The following NTN4 variants were observed in gnomAD, a reference collection of about 807,000 sequenced individuals.
The protein encoded by NTN4 is netrin 4.
NTN4 carries 32 observed loss-of-function variants against 73.6 expected under a neutral mutation model. The observed-to-expected ratio is 0.44, with a 90% CI of 0.33 to 0.58. The LOEUF is 0.58. Ranked by LOEUF, NTN4 falls within the 20% of genes least tolerant of loss-of-function variation. NTN4 has a pLI of 0.04. For synonymous variants in NTN4, 258 were observed against 287.5 expected (o/e 0.90, Z 1.04); for missense variants, 654 against 798.3 (o/e 0.82, Z 2.18).
intron 7 of NTN4, chr12:95,673,768 CCTCAGAGGAGTAGG>C (rs2078252313): frequency 1.3e-5 from 2 of 152,194 alleles, no homozygotes; most frequent in South Asian, 4.1e-4. Context: ...AGCTCCTTGA[CCTCAGAGGAGTAGG>C]AGTGCTTCCT....
chr12:95,658,940 G>A lies in NTN4; in HGVS notation c.*146C>T, dbSNP rs576836660. The A allele has an allele frequency of 9.0e-6, 6 of 668,002 alleles. No homozygotes were observed. The highest frequency in any genetic ancestry group is 1.5e-5 in the Non-Finnish European group (6 of 398,966). The allele number at this position is 668,002 out of a possible 1,614,324, so 41.4% of individuals were successfully genotyped here. ...TGTATTTAAACATGGGTCCAGAAGAGATAAGTTAGATAAGACCCATGCATT... is the reference window on the plus strand; with the variant it reads ...TGTATTTAAACATGGGTCCAGAAGAAATAAGTTAGATAAGACCCATGCATT... On this transcript the variant is annotated 3_prime_UTR_variant, in exon 10 of 10. Transcript: ENST00000343702.
Position 95,670,138 on chromosome 12 carries a change from C to T in NTN4, c.1519G>A (p.Glu507Lys), listed in dbSNP as rs375475179. Reference protein sequence around the residue: ...FSALLHSGKCECKEQTLGNAK... With the variant: ...FSALLHSGKCKCKEQTLGNAK... ...TTTCCTAATGTCTGTTCCTTACATT[C>T]GCATTTACCTATGGAAAGTAAATTA... The change falls in exon 8 of 10, where the codon GAA becomes AAA. Residue 507 changes from glutamate (E) to lysine (K), a missense_variant. Glu to Lys is a moderately conservative substitution (Grantham distance 56). Transcript: ENST00000343702. 48 of 1,582,040 alleles carry T rather than the reference C, an allele frequency of 3.0e-5. No individual in the cohort carries two copies. Among genetic ancestry groups the T allele is most frequent in the Admixed American group, 1.2e-4 (7 of 57,128 alleles).
chr12:95,787,352 T>G lies in NTN4; in HGVS notation c.172A>C (p.Thr58Pro). The change falls in exon 2 of 10, where the codon ACC becomes CCC. Residue 58 changes from threonine (T) to proline (P), a missense_variant. Transcript: ENST00000343702. Reference sequence around the variant, plus strand: ...TCACTGTAGAAGCAGTACAGTTCGGTAGCATTCTGACCGCAGGTGGTGTCT... The same window carrying G: ...TCACTGTAGAAGCAGTACAGTTCGGGAGCATTCTGACCGCAGGTGGTGTCT... Reference protein sequence around the residue: ...WADTTCGQNATELYCFYSENT... With the variant: ...WADTTCGQNAPELYCFYSENT... The G allele has an allele frequency of 6.2e-7, 1 of 1,614,218 alleles. No homozygotes were observed. Among genetic ancestry groups the G allele is most frequent in the Non-Finnish European group, 8.5e-7 (1 of 1,180,040 alleles).
At chr12:95,708,284 A>G (rs1340605708) in intron 5 of NTN4, among the ~76,000 whole-genome samples, 2 of 144,714 alleles carry the variant, frequency 1.4e-5, no homozygotes, top group Non-Finnish European at 3.0e-5. Flanking sequence ...TTATTTATTT[A>G]TTTATTTATT....
At chr12:95,719,548 G>A (rs1052186230) in intron 3 of NTN4, among the ~76,000 whole-genome samples, 5 of 152,104 alleles carry the variant, frequency 3.3e-5, no homozygotes, top group African/African-American at 1.2e-4. Context: ...CTAAAATAAT[G>A]AACTTGTTAT....
At chr12:95,780,038 A>C (rs1288321105) in intron 2 of NTN4, among the ~76,000 whole-genome samples, 2 of 152,212 alleles carry the variant, frequency 1.3e-5, no homozygotes, top group Non-Finnish European at 2.9e-5. Context: ...TGACAAAAAC[A>C]AGAAATGGGG....
chr12:95,679,918 G>A (rs2078302929), intron 7 of NTN4, among the ~76,000 whole-genome samples: 1 of 151,968 alleles, frequency 6.6e-6, no homozygotes, highest in Non-Finnish European at 1.5e-5. Context: ...TCCTCCTCAG[G>A]GCTTTAAAGA....
At chr12:95,690,619 G>A (rs1006618630) in intron 5 of NTN4, among the ~76,000 whole-genome samples, 1 of 151,444 alleles carries the variant, frequency 6.6e-6, no homozygotes, top group East Asian at 1.9e-4. Context: ...AATTCATTTG[G>A]ATTATATAAT....
At position 95,682,757 on chromosome 12, in the gene NTN4, G is replaced by T. The variant is rs1002465309; in HGVS notation, c.1460C>A (p.Pro487Gln). The T allele has an allele frequency of 1.2e-6, 2 of 1,613,846 alleles. No homozygotes were observed. Among genetic ancestry groups the T allele is most frequent in the African/African-American group, 2.7e-5 (2 of 74,918 alleles). The change falls in exon 7 of 10, where the codon CCA (proline) becomes CAA (glutamine). Residue 487 changes from proline to glutamine, a missense_variant. Pro to Gln is a moderately conservative substitution (Grantham distance 76, BLOSUM62 -1). Transcript: ENST00000343702. Reference protein sequence around the residue: ...DFRPVHNKSEPAWEWEDAQGF... With the variant: ...DFRPVHNKSEQAWEWEDAQGF... ...CTGCGCATCCTCCCACTCCCAGGCT[G>T]GTTCGCTCTTATTGTGCACGGGACG...
At chr12:95,742,969 G>T (rs1161777534) in intron 2 of NTN4, among the ~76,000 whole-genome samples, 2 of 152,230 alleles carry the variant, frequency 1.3e-5, no homozygotes, top group Non-Finnish European at 2.9e-5. Context: ...TGAGAACGAT[G>T]TGAACACACA....
chr12:95,731,779 C>T (rs1042669818), intron 3 of NTN4, among the ~76,000 whole-genome samples: 6 of 152,050 alleles, frequency 3.9e-5, no homozygotes, highest in Non-Finnish European at 8.8e-5. Context: ...CACAGTGCAA[C>T]ACCAACAAAA....
intron 7 of NTN4, among the ~76,000 whole-genome samples, chr12:95,674,687 G>T (rs1352442684): frequency 6.6e-6 from 1 of 152,180 alleles, no homozygotes; most frequent in Admixed American, 6.5e-5. Context: ...CTTATGGGAG[G>T]TATATAGGTA....
Position 95,710,516 on chromosome 12 carries a change from G to A in NTN4, c.1105C>T (p.Gln369Ter), listed in dbSNP as rs1439553250. ...CDDCQHNTEG[Q>*]YCQRCKPGFY... ...CCTGGCTTGCACCTCTGGCAATACT[G>A]TCCTTCTGTGTTGTGCTGACAGTCA... Residue 369 changes from glutamine to a stop codon, truncating the protein, a stop_gained, in exon 5 of 10, where the codon CAG becomes TAG. Transcript: ENST00000343702. LOFTEE classifies it high-confidence loss of function. 1 of 1,614,120 alleles carries A rather than the reference G, an allele frequency of 6.2e-7. No homozygotes were observed. Among genetic ancestry groups the A allele is most frequent in the Non-Finnish European group, 8.5e-7 (1 of 1,179,998 alleles).
At chr12:95,702,108 C>T (rs1432135392) in intron 5 of NTN4, among the ~76,000 whole-genome samples, 6 of 151,778 alleles carry the variant, frequency 4.0e-5, no homozygotes, top group East Asian at 3.9e-4. Flanking sequence ...AGGGAAACCC[C>T]GTCTCTACTA....
At chr12:95,672,216 C>G (rs1397895302) in intron 7 of NTN4, 1 of 451,024 alleles carries the variant, frequency 2.2e-6, no homozygotes, top group African/African-American at 6.1e-5. Context: ...GGGGGGCGGG[C>G]GGGGGGAGGG....
intron 5 of NTN4, 41 bp from the exon 6 acceptor site, chr12:95,683,752 A>C: frequency 6.7e-7 from 1 of 1,498,446 alleles, no homozygotes; most frequent in Non-Finnish European, 9.1e-7. Flanking sequence ...GACTGACTGT[A>C]GATCACCCGT....
intron 1 of NTN4, among the ~76,000 whole-genome samples, chr12:95,787,677 C>CAT (rs2079180030): frequency 6.6e-6 from 1 of 151,560 alleles, no homozygotes; most frequent in Non-Finnish European, 1.5e-5. Flanking sequence ...TGTGTGTGTG[C>CAT]GTGTGTGTGT....
At chr12:95,723,245 C>T (rs1448526856) in intron 3 of NTN4, among the ~76,000 whole-genome samples, 2 of 151,770 alleles carry the variant, frequency 1.3e-5, no homozygotes, top group Non-Finnish European at 2.9e-5. Flanking sequence ...ACCTTTCCTG[C>T]TGTCGGGGAA....
chr12:95,666,228 G>A (rs2078178636), intron 8 of NTN4, among the ~76,000 whole-genome samples: 1 of 152,114 alleles, frequency 6.6e-6, no homozygotes, highest in African/African-American at 2.4e-5. Flanking sequence ...AAGCTATGAG[G>A]ATGCAAAGAC....
Sources: gnomAD v4.1 joint callset for allele counts (sites outside exome capture counted in the v4.1 genomes callset) on GRCh38, gnomAD v4.1.1 for gene constraint, MANE v1.5 for transcripts, NCBI Gene and HGNC (gene_info 2026-07-23, HGNC 2026-07-21) for gene names.